The following GRM3 variants were observed in gnomAD, a reference collection of about 807,000 sequenced individuals.
GRM3 encodes glutamate metabotropic receptor 3, also known as metabotropic glutamate receptor 3.
GRM3 carries 26 observed loss-of-function variants against 70.5 expected under a neutral mutation model. The observed-to-expected ratio is 0.37, with a 90% CI of 0.27 to 0.51. The LOEUF is 0.51. Ranked by LOEUF, GRM3 falls within the 20% of genes least tolerant of loss-of-function variation. GRM3 has a pLI of 0.93. For missense variants in GRM3, 859 were observed against 1,123.8 expected (o/e 0.76, Z 3.37); for synonymous variants, 443 against 434.9 (o/e 1.02, Z -0.23).
intron 3 of GRM3, among the ~76,000 whole-genome samples, chr7:86,818,088 C>G (rs1190616030): frequency 6.6e-6 from 1 of 152,016 alleles, no homozygotes; most frequent in African/African-American, 2.4e-5. Context: ...TGAATTCCTT[C>G]TCAAACGATC....
At chr7:86,842,916 C>A (rs1309237254) in intron 4 of GRM3, among the ~76,000 whole-genome samples, 1 of 152,040 alleles carries the variant, frequency 6.6e-6, no homozygotes, top group East Asian at 1.9e-4. Context: ...TACCCCGTAA[C>A]CTTGGCAGGC....
At position 86,802,869 on chromosome 7, in the gene GRM3, T is replaced by C. The variant is rs138877057; in HGVS notation, c.1324+15753T>C. On this transcript the variant is annotated intron_variant, in intron 3 of 5. Coordinates refer to ENST00000361669, the MANE Select transcript of GRM3 (RefSeq NM_000840.3). Reference sequence around the variant, plus strand: ...TGTTATTAAGGGGTGGTAGTAGTAGTTGTTTTATAGCACACATCACAAATC... The same window carrying C: ...TGTTATTAAGGGGTGGTAGTAGTAGCTGTTTTATAGCACACATCACAAATC... 1.2e-3 allele frequency among the ~76,000 whole-genome samples: 190 copies of C among 152,324 alleles called. 1 individual carries two copies. Among genetic ancestry groups the C allele is most frequent in the African/African-American group, 4.4e-3 (184 of 41,568 alleles).
chr7:86,681,479 C>A (rs2115966767), intron 1 of GRM3, among the ~76,000 whole-genome samples: 1 of 152,198 alleles, frequency 6.6e-6, no homozygotes, highest in African/African-American at 2.4e-5. Flanking sequence ...TGTGTCCTAG[C>A]ATTAATAAGG....
chr7:86,653,313 T>C (rs1287695204), intron 1 of GRM3, among the ~76,000 whole-genome samples: 1 of 152,216 alleles, frequency 6.6e-6, no homozygotes, highest in Non-Finnish European at 1.5e-5. Flanking sequence ...CTTCAGCATG[T>C]GAATTTTGGA....
chr7:86,857,169 C>G (rs1798866623), intron 5 of GRM3, among the ~76,000 whole-genome samples: 1 of 150,172 alleles, frequency 6.7e-6, no homozygotes, highest in Non-Finnish European at 1.5e-5. Context: ...TACTTTTCAG[C>G]TCTATACCTG....
At chr7:86,833,098 C>T in intron 3 of GRM3, 1 of 980,470 alleles carries the variant, frequency 1.0e-6, no homozygotes, top group Non-Finnish European at 1.2e-6. Flanking sequence ...GATGCTTACT[C>T]CCATGGTGAG....
chr7:86,670,996 TTTCA>T (rs1161252441), intron 1 of GRM3, among the ~76,000 whole-genome samples: 3 of 152,222 alleles, frequency 2.0e-5, no homozygotes, highest in African/African-American at 7.2e-5. Flanking sequence ...CAAATGTAGC[TTTCA>T]TGAAATATGT....
chr7:86,698,459 T>G (rs1174908591), intron 1 of GRM3, among the ~76,000 whole-genome samples: 1 of 150,674 alleles, frequency 6.6e-6, no homozygotes, highest in Non-Finnish European at 1.5e-5. Flanking sequence ...CAAATAGAAA[T>G]GTTTCCTCCC....
At chr7:86,715,367 T>G (rs149131479) in intron 1 of GRM3, among the ~76,000 whole-genome samples, 63 of 152,140 alleles carry the variant, frequency 4.1e-4, no homozygotes, top group East Asian at 2.9e-3. Context: ...TTCTACCACT[T>G]ACTGACTCAA....
At chr7:86,798,629 T>C (rs1276494869) in intron 3 of GRM3, among the ~76,000 whole-genome samples, 1 of 152,210 alleles carries the variant, frequency 6.6e-6, no homozygotes, top group Non-Finnish European at 1.5e-5. Context: ...ACTTTGACTG[T>C]GGACTTTTGA....
chr7:86,863,436 G>A (rs1798996191), intron 5 of GRM3, among the ~76,000 whole-genome samples: 1 of 152,098 alleles, frequency 6.6e-6, no homozygotes, highest in Admixed American at 6.6e-5. Flanking sequence ...TCTCAGTTAT[G>A]GAGGCTGAAA....
At chr7:86,747,893 A>C (rs1796142058) in intron 1 of GRM3, among the ~76,000 whole-genome samples, 1 of 152,100 alleles carries the variant, frequency 6.6e-6, no homozygotes. Context: ...TTGCTCTGTT[A>C]ATTGTGATTT....
chr7:86,848,857 T>A (rs1798706065), intron 4 of GRM3, among the ~76,000 whole-genome samples: 1 of 152,124 alleles, frequency 6.6e-6, no homozygotes, highest in Non-Finnish European at 1.5e-5. Flanking sequence ...ATTCAGGGCA[T>A]CCTCTTCCTG....
chr7:86,779,334 A>G (rs1796980474), intron 2 of GRM3, among the ~76,000 whole-genome samples: 1 of 152,190 alleles, frequency 6.6e-6, no homozygotes, highest in Non-Finnish European at 1.5e-5. Context: ...ATTGCACAAT[A>G]AAATTGTTTA....
At chr7:86,756,510 G>A (rs1271764849) in intron 1 of GRM3, among the ~76,000 whole-genome samples, 1 of 152,120 alleles carries the variant, frequency 6.6e-6, no homozygotes, top group Admixed American at 6.6e-5. Context: ...TGCTTGACCA[G>A]TTTTTCCCCA....
chr7:86,849,251 T>G (rs557916718), intron 4 of GRM3, among the ~76,000 whole-genome samples: 3 of 152,228 alleles, frequency 2.0e-5, no homozygotes, highest in South Asian at 4.1e-4. Context: ...CAGAATCAGA[T>G]AGCAGCTTGT....
intron 1 of GRM3, among the ~76,000 whole-genome samples, chr7:86,710,566 T>TGGGGGGGGGGG (rs1171125332): frequency 1.2e-4 from 1 of 8,132 alleles, no homozygotes; most frequent in African/African-American, 5.4e-4. Flanking sequence ...GTGTGTGTGG[T>TGGGGGGGGGGG]GGGGGGTGGG....
At chr7:86,804,796 A>G (rs1797753713) in intron 3 of GRM3, among the ~76,000 whole-genome samples, 1 of 152,142 alleles carries the variant, frequency 6.6e-6, no homozygotes, top group Non-Finnish European at 1.5e-5. Flanking sequence ...ATTAGTGATA[A>G]TAGGATATCC....
chr7:86,827,772 G>A, intron 3 of GRM3, among the ~76,000 whole-genome samples: 1 of 152,072 alleles, frequency 6.6e-6, no homozygotes, highest in South Asian at 2.1e-4. Context: ...CCAAAGTGCT[G>A]GGATTACAGG....
Sources: gnomAD v4.1 joint callset for allele counts (sites outside exome capture counted in the v4.1 genomes callset) on GRCh38, gnomAD v4.1.1 for gene constraint, MANE v1.5 for transcripts, NCBI Gene and HGNC (gene_info 2026-07-23, HGNC 2026-07-21) for gene names.